OR51B5: variants seen among roughly 807,000 people sequenced by gnomAD.
OR51B5 encodes olfactory receptor family 51 subfamily B member 5.
For missense variants in OR51B5, 456 were observed against 374.6 expected (o/e 1.22, Z -1.79); for synonymous variants, 186 against 144.8 (o/e 1.28, Z -2.04).
At chr11:5,370,388 G>C (rs1032640123) in intron 1 of OR51B5, among the ~76,000 whole-genome samples, 1 of 152,156 alleles carries the variant, frequency 6.6e-6, no homozygotes, top group Admixed American at 6.5e-5. Context: ...AAATAGCTGG[G>C]TTGTCAGGTC....
chr11:5,497,958 TG>T (rs1267925423), intron 1 of OR51B5, among the ~76,000 whole-genome samples: 1 of 152,184 alleles, frequency 6.6e-6, no homozygotes, highest in Non-Finnish European at 1.5e-5. Context: ...AAACAACTAA[TG>T]ACTGGTTACC....
At chr11:5,390,284 C>T (rs1461839508) in intron 1 of OR51B5, 2 of 1,613,888 alleles carry the variant, frequency 1.2e-6, no homozygotes, top group South Asian at 1.1e-5. Flanking sequence ...CCTTTTTGTG[C>T]CTCCCATGCT....
At chr11:5,460,820 TG>T (rs936509043) in intron 1 of OR51B5, among the ~76,000 whole-genome samples, 1 of 152,224 alleles carries the variant, frequency 6.6e-6, no homozygotes, top group African/African-American at 2.4e-5. Context: ...TGATTGCCTT[TG>T]TTGGTAGATG....
At chr11:5,411,165 G>A (rs546325007) in intron 1 of OR51B5, among the ~76,000 whole-genome samples, 33 of 152,294 alleles carry the variant, frequency 2.2e-4, no homozygotes, top group Non-Finnish European at 4.6e-4. Context: ...TTTCAGTCCT[G>A]CAAACTCTAT....
intron 1 of OR51B5, among the ~76,000 whole-genome samples, chr11:5,466,459 T>G (rs1353726178): frequency 4.6e-5 from 7 of 152,182 alleles, no homozygotes; most frequent in Non-Finnish European, 8.8e-5. Flanking sequence ...AATATTGAAG[T>G]CAGTAATGTG....
intron 1 of OR51B5, among the ~76,000 whole-genome samples, chr11:5,405,208 T>C (rs1238514644): frequency 1.3e-5 from 2 of 152,204 alleles, no homozygotes. Context: ...CATCACTTCC[T>C]ATAGCAACTC....
intron 1 of OR51B5, among the ~76,000 whole-genome samples, chr11:5,404,018 G>C (rs1358672215): frequency 6.6e-6 from 1 of 151,908 alleles, no homozygotes; most frequent in Admixed American, 6.6e-5. Context: ...CTATGATGTG[G>C]CATTCACCCA....
intron 1 of OR51B5, among the ~76,000 whole-genome samples, chr11:5,472,784 C>T (rs1443070990): frequency 1.3e-5 from 2 of 152,186 alleles, no homozygotes; most frequent in East Asian, 1.9e-4. Context: ...TCCTAGACCA[C>T]TGATTCTCAC....
intron 1 of OR51B5, among the ~76,000 whole-genome samples, chr11:5,461,129 C>A (rs1851043363): frequency 6.6e-6 from 1 of 151,896 alleles, no homozygotes; most frequent in African/African-American, 2.4e-5. Flanking sequence ...AGCGGATCAC[C>A]CACTGATGGG....
rs1264911526 is a variant in OR51B5 at position 5,424,945 on chromosome 11, G to A, written n.85-78035C>T. The stretch of plus-strand genomic sequence containing the variant: ...TGCAGTGAGCCGAGATCCCGCCACT[G>A]CACTCCAGCCTGGGCGACAGAGTGA... On this transcript the variant is annotated intron_variant and non_coding_transcript_variant, in intron 1 of 4. Transcript: ENST00000415970. Among the ~76,000 whole-genome samples, 4 of 96,386 alleles carry A rather than the reference G, an allele frequency of 4.1e-5. 1 individual carries two copies. Among genetic ancestry groups the A allele is most frequent in the Non-Finnish European group, 9.1e-5 (4 of 44,034 alleles). The allele number at this position is 96,386 out of a possible 152,430, so 63.2% of individuals were successfully genotyped here. A position where few individuals can be genotyped will look rare whatever the true frequency, so the allele number is the denominator to read the frequency against.
At chr11:5,444,072 T>C (rs527912487) in intron 1 of OR51B5, among the ~76,000 whole-genome samples, 1 of 152,308 alleles carries the variant, frequency 6.6e-6, no homozygotes, top group South Asian at 2.1e-4. Context: ...TATTCTCTTA[T>C]TTTTAAGCTC....
At chr11:5,479,033 A>C (rs1173747327) in intron 1 of OR51B5, among the ~76,000 whole-genome samples, 2 of 152,032 alleles carry the variant, frequency 1.3e-5, no homozygotes, top group Non-Finnish European at 2.9e-5. Flanking sequence ...ACTCCTCGAG[A>C]AGAGCAACTC....
intron 1 of OR51B5, among the ~76,000 whole-genome samples, chr11:5,413,527 A>C (rs1177798948): frequency 1.3e-5 from 2 of 151,632 alleles, no homozygotes; most frequent in African/African-American, 2.4e-5. Flanking sequence ...AGAAGTTAAA[A>C]ACTTTGAAAA....
chr11:5,363,235 CCTCACACACACACACA>C (rs1306091623), intron 1 of OR51B5, among the ~76,000 whole-genome samples: 2 of 85,368 alleles, frequency 2.3e-5, no homozygotes, highest in South Asian at 4.0e-4. Context: ...GAACCCAACC[CCTCACACACACACACA>C]CACACACACA....
chr11:5,469,871 T>C (rs1482892456), intron 1 of OR51B5, among the ~76,000 whole-genome samples: 1 of 152,174 alleles, frequency 6.6e-6, no homozygotes, highest in African/African-American at 2.4e-5. Context: ...CTTGTGCAAG[T>C]GATGACATCT....
chr11:5,386,639 C>T (rs1471120469), intron 1 of OR51B5, among the ~76,000 whole-genome samples: 2 of 151,864 alleles, frequency 1.3e-5, no homozygotes, highest in African/African-American at 4.8e-5. Context: ...TGCATAATCT[C>T]GGTGGCTGCA....
chr11:5,457,918 A>G (rs1247457087), intron 1 of OR51B5, among the ~76,000 whole-genome samples: 2 of 152,092 alleles, frequency 1.3e-5, no homozygotes, highest in African/African-American at 4.8e-5. Flanking sequence ...TATGTTGTCT[A>G]TTCAGTCTAT....
downstream of OR51B5, chr11:5,342,502 G>A (rs1848910367): frequency 6.8e-7 from 1 of 1,474,890 alleles, no homozygotes; most frequent in Non-Finnish European, 9.0e-7. Flanking sequence ...ATATGAGCAT[G>A]CATGCTAGAT....
Position 5,430,069 on chromosome 11 carries a change from A to G in OR51B5, n.84+75500T>C, listed in dbSNP as rs1408246804. Among the ~76,000 whole-genome samples the G allele has an allele frequency of 2.0e-4, 31 of 152,200 alleles. 1 individual carries two copies. ...GCTTCATAGGTAAATGTAAACAAAAATAAACAATTTATTGTTTGATCAAGA... is the reference window on the plus strand; with the variant it reads ...GCTTCATAGGTAAATGTAAACAAAAGTAAACAATTTATTGTTTGATCAAGA... On this transcript the variant is annotated intron_variant and non_coding_transcript_variant, in intron 1 of 4. Transcript: ENST00000415970.
Sources: allele counts gnomAD v4.1 joint callset (sites outside exome capture counted in the v4.1 genomes callset), GRCh38; gene constraint gnomAD v4.1.1; transcripts MANE v1.5; gene names NCBI Gene and HGNC (gene_info 2026-07-23, HGNC 2026-07-21).